PRKAR2A: variants seen among roughly 807,000 people sequenced by gnomAD.
The protein encoded by PRKAR2A is protein kinase cAMP-dependent type II regulatory subunit alpha, also known as cAMP-dependent protein kinase type II-alpha regulatory subunit.
PRKAR2A carries 29 observed loss-of-function variants against 51.9 expected under a neutral mutation model. The observed-to-expected ratio is 0.56, with a 90% CI of 0.42 to 0.76. The LOEUF (loss-of-function observed/expected upper bound fraction) is 0.76, where lower values mean the gene tolerates loss of function less well. Ranked by LOEUF, PRKAR2A falls within the 30% of genes least tolerant of loss-of-function variation. The pLI is 0.00. For missense variants in PRKAR2A, 445 were observed against 512.1 expected, an observed-to-expected ratio of 0.87 and a Z score of 1.26; for synonymous variants, 178 against 186.2, an observed-to-expected ratio of 0.96 and a Z score of 0.36.
chr3:48,789,737 T>C (rs1197930631), intron 4 of PRKAR2A, among the ~76,000 whole-genome samples: 1 of 151,902 alleles, frequency 6.6e-6, no homozygotes, highest in Non-Finnish European at 1.5e-5. Flanking sequence ...CCTCCCAGAG[T>C]GCTAGGATTA....
At chr3:48,821,916 GA>G (rs553317539) in intron 1 of PRKAR2A, among the ~76,000 whole-genome samples, 202 of 101,314 alleles carry the variant, frequency 2.0e-3, no homozygotes, top group East Asian at 3.6e-3. Context: ...CTCCATGTCA[GA>G]AAAAAAAAAA....
At chr3:48,828,433 G>A (rs2083104959) in intron 1 of PRKAR2A, among the ~76,000 whole-genome samples, 1 of 151,892 alleles carries the variant, frequency 6.6e-6, no homozygotes, top group Admixed American at 6.6e-5. Flanking sequence ...AAAATATTTT[G>A]CTGGATGGGA....
intron 2 of PRKAR2A, among the ~76,000 whole-genome samples, chr3:48,799,171 C>T (rs1173917590): frequency 6.6e-6 from 1 of 152,156 alleles, no homozygotes; most frequent in Non-Finnish European, 1.5e-5. Context: ...TGGAGAAGGT[C>T]CAGAATCTGT....
intron 1 of PRKAR2A, among the ~76,000 whole-genome samples, chr3:48,813,180 A>G (rs1248253720): frequency 6.7e-6 from 1 of 150,274 alleles, no homozygotes; most frequent in African/African-American, 2.5e-5. Context: ...AGGACTGCTG[A>G]GACCAAGGGT....
chr3:48,826,484 T>A (rs1028733696), intron 1 of PRKAR2A, among the ~76,000 whole-genome samples: 3 of 152,178 alleles, frequency 2.0e-5, no homozygotes, highest in Non-Finnish European at 4.4e-5. Context: ...ATCAATGGAT[T>A]TACCTACCAG....
chr3:48,779,167 C>A (rs9860187), intron 5 of PRKAR2A, among the ~76,000 whole-genome samples: 9,104 of 151,918 alleles, frequency 0.06, 940 homozygotes, highest in African/African-American at 0.21. Context: ...ACTATCTTCC[C>A]CAGGCTGGTT....
chr3:48,819,645 C>T (rs1000832229), intron 1 of PRKAR2A, among the ~76,000 whole-genome samples: 6 of 152,128 alleles, frequency 3.9e-5, no homozygotes, highest in Admixed American at 6.5e-5. Context: ...TTAGAATCCC[C>T]CCAGCTTTTT....
chr3:48,797,201 T>C (rs1289557681), intron 2 of PRKAR2A, among the ~76,000 whole-genome samples: 2 of 152,210 alleles, frequency 1.3e-5, no homozygotes, highest in East Asian at 3.9e-4. Context: ...AGAGTCTCGC[T>C]GTCTTGCCCA....
intron 5 of PRKAR2A, among the ~76,000 whole-genome samples, chr3:48,778,194 T>C (rs1180300733): frequency 1.3e-5 from 2 of 152,132 alleles, no homozygotes; most frequent in East Asian, 3.9e-4. Flanking sequence ...GGGGTCTCAC[T>C]ATGTTGCCCA....
In PRKAR2A at chr3:48,812,779, G is replaced by A. The variant is rs2082797306; in HGVS notation, c.263-5095C>T. Reference sequence around the variant, plus strand: ...TTACAAGGCGTGAGCCACTGCGCCTGGCCAGAAAAAACTTTTACTACTTTA... The same window carrying A: ...TTACAAGGCGTGAGCCACTGCGCCTAGCCAGAAAAAACTTTTACTACTTTA... On this transcript the variant is annotated intron_variant, in intron 1 of 10. Transcript: ENST00000265563. 1.3e-5 allele frequency among the ~76,000 whole-genome samples: 2 copies of A among 152,164 alleles called. 1 individual carries two copies. Among genetic ancestry groups the A allele is most frequent in the South Asian group, 4.1e-4 (2 of 4,826 alleles).
At chr3:48,787,110 G>C (rs901237916) in intron 4 of PRKAR2A, among the ~76,000 whole-genome samples, 2 of 152,086 alleles carry the variant, frequency 1.3e-5, no homozygotes, top group African/African-American at 4.8e-5. Context: ...TGGGATCCTG[G>C]ACTGGATCCT....
intron 4 of PRKAR2A, 150 bp from the exon 5 acceptor site, chr3:48,783,242 G>A: frequency 1.6e-6 from 1 of 619,904 alleles, no homozygotes; most frequent in Non-Finnish European, 2.9e-6. Context: ...GCTTTCCTGG[G>A]ACCATTCAGC....
Position 48,765,039 on chromosome 3 carries a change from T to C in PRKAR2A, c.838A>G (p.Lys280Glu). ...ATGCGTTCTCCATCCTTATAGATCT[T>C]CTCTCCTATTACATCCACAATCTTC... ...RMKIVDVIGE[K>E]IYKDGERIIT... The change falls in exon 8 of 11, where the codon AAG (lysine) becomes GAG (glutamate). Residue 280 changes from lysine (K) to glutamate (E), a missense_variant. Transcript: ENST00000265563. 6.2e-7 allele frequency: 1 copy of C among 1,614,184 alleles called. No homozygotes were observed. The highest frequency in any genetic ancestry group is 8.5e-7 in the Non-Finnish European group (1 of 1,180,022).
chr3:48,805,071 C>T (rs1472825445), intron 2 of PRKAR2A, among the ~76,000 whole-genome samples: 1 of 151,812 alleles, frequency 6.6e-6, no homozygotes, highest in African/African-American at 2.4e-5. Context: ...ACCATCATGC[C>T]CAGCTATTTT....
At chr3:48,812,907 G>A (rs1295674787) in intron 1 of PRKAR2A, among the ~76,000 whole-genome samples, 1 of 152,168 alleles carries the variant, frequency 6.6e-6, no homozygotes, top group Non-Finnish European at 1.5e-5. Flanking sequence ...GTGTTCTACA[G>A]ACAGCAAAAG....
chr3:48,805,573 C>T (rs940853336), intron 2 of PRKAR2A, among the ~76,000 whole-genome samples: 1 of 152,162 alleles, frequency 6.6e-6, no homozygotes, highest in Non-Finnish European at 1.5e-5. Flanking sequence ...CTGCTTTGTT[C>T]CCAGTTTCCT....
intron 1 of PRKAR2A, among the ~76,000 whole-genome samples, chr3:48,827,809 G>GT (rs531997670): frequency 8.6e-5 from 13 of 152,002 alleles, no homozygotes; most frequent in Non-Finnish European, 2.9e-5. Context: ...TAAAAAATAC[G>GT]TTTTTTCTTC....
At chr3:48,805,053 A>AT (rs1460649458) in intron 2 of PRKAR2A, among the ~76,000 whole-genome samples, 1 of 152,084 alleles carries the variant, frequency 6.6e-6, no homozygotes, top group Non-Finnish European at 1.5e-5. Flanking sequence ...CTAGGACTAC[A>AT]TGTGTGCACC....
chr3:48,795,546 C>T (rs889883505), intron 2 of PRKAR2A, among the ~76,000 whole-genome samples: 4 of 152,118 alleles, frequency 2.6e-5, no homozygotes, highest in African/African-American at 7.2e-5. Flanking sequence ...TTCCAAAACT[C>T]TTCTTTTTTT....
Sources: allele counts gnomAD v4.1 joint callset (sites outside exome capture counted in the v4.1 genomes callset), GRCh38; gene constraint gnomAD v4.1.1; transcripts MANE v1.5; gene names NCBI Gene and HGNC (gene_info 2026-07-23, HGNC 2026-07-21).